Variants in KCNT1 observed in about 807,000 individuals in gnomAD.
KCNT1 encodes potassium sodium-activated channel subfamily T member 1.
In KCNT1, 78 loss-of-function variants were observed where a neutral mutation model predicts 147.8. That is an observed-to-expected ratio of 0.53 (90% CI 0.44 to 0.64). The LOEUF is 0.64. Ranked by LOEUF, KCNT1 falls within the 30% of genes least tolerant of loss-of-function variation. The pLI, the probability that KCNT1 is intolerant of heterozygous loss-of-function variation, is 0.00. For missense variants in KCNT1, 1,419 were observed against 1,750.3 expected (o/e 0.81, Z 3.38); for synonymous variants, 867 against 748.8 (o/e 1.16, Z -2.58).
chr9:135,784,332 T>C (rs1166222075), intron 25 of KCNT1, among the ~76,000 whole-genome samples: 1 of 152,126 alleles, frequency 6.6e-6, no homozygotes, highest in African/African-American at 2.4e-5. Context: ...GGAGTTTTCT[T>C]AGAAAAGGCC....
rs761255519 is a variant in KCNT1, at chr9:135,755,126, C to T, written c.497C>T (p.Pro166Leu). Residue 166 changes from proline to leucine, a missense_variant, in exon 6 of 31, where the codon CCT becomes CTT. Physicochemically the swap from Pro to Leu is moderately conservative, Grantham distance 98 (BLOSUM62 -3). Around this residue, in one of 5 missense-constraint regions of KCNT1, gnomAD observed 401 missense variants for 610.6 expected, o/e 0.66. Coordinates refer to ENST00000371757, the MANE Select transcript of KCNT1 (RefSeq NM_020822.3). ...TGCCTCCTTTCTCTTCCCAGGGCTC[C>T]TATTCTGTGGGTGGAGAGAAAGATG... ...NDSSSEINWA[P>L]ILWVERKMTL... The T allele has an allele frequency of 1.9e-6, 3 of 1,611,872 alleles. No homozygotes were observed. Among genetic ancestry groups the T allele is most frequent in the African/African-American group, 2.7e-5 (2 of 74,958 alleles).
intron 17 of KCNT1, among the ~76,000 whole-genome samples, 195 bp downstream of exon 17, chr9:135,770,642 G>A (rs867342185): frequency 1.3e-5 from 2 of 152,184 alleles, no homozygotes; most frequent in Non-Finnish European, 2.9e-5. Flanking sequence ...CCTGCCACGC[G>A]GCTCCTCCCT....
At position 135,712,640 on chromosome 9, in the gene KCNT1, T is replaced by A. The variant is rs553176330; in HGVS notation, c.111-1937T>A. Among the ~76,000 whole-genome samples, 225 of 152,260 alleles carry A rather than the reference T, an allele frequency of 1.5e-3. 1 individual carries two copies. The highest frequency in any genetic ancestry group is 2.5e-3 in the Non-Finnish European group (167 of 68,010). ...AGACCCCGAGGACACGGGGAGCAGC[T>A]GTTTTGCTGCTGTCCTCCTGCGATG... On this transcript the variant is annotated intron_variant, in intron 1 of 30. Transcript: ENST00000371757.
rs754735723 is a variant in KCNT1, at chr9:135,750,368, GC to G, written c.334+196del. ...TGCATGGTGAGTGGGGCACAGGGTAGCCCCCTCTTAGCTTCACACTGTCTGA... is the reference window on the plus strand; with the variant it reads ...TGCATGGTGAGTGGGGCACAGGGTAGCCCCTCTTAGCTTCACACTGTCTGA... On this transcript the variant is annotated intron_variant, in intron 3 of 30. Transcript: ENST00000371757. Among the ~76,000 whole-genome samples the G allele has an allele frequency of 3.9e-5, 6 of 152,208 alleles. No individual in the cohort carries two copies. The East Asian group carries it at 1.2e-3, about 29-fold the overall frequency.
At chr9:135,758,283 C>T (rs1831650113) in intron 9 of KCNT1, 131 bp from the exon 10 acceptor site, 2 of 686,974 alleles carry the variant, frequency 2.9e-6, no homozygotes, top group Non-Finnish European at 5.2e-6. Flanking sequence ...GTACAGGCTG[C>T]CCCGTGGGCC....
At chr9:135,786,575 G>C in intron 29 of KCNT1, 54 bp downstream of exon 29, 1 of 1,483,796 alleles carries the variant, frequency 6.7e-7, no homozygotes, top group Non-Finnish European at 9.0e-7. Flanking sequence ...GCCAGGGTCG[G>C]GCCACAGCCA....
rs771326200 is a variant in KCNT1, at chr9:135,784,865, G to C, written c.3132G>C (p.Glu1044Asp). Reference sequence around the variant, plus strand: ...TCCCCATTGGCATCTACCGGACAGAGAGCCACGTCTTCTCCACCTCGGAGG... The same window carrying C: ...TCCCCATTGGCATCTACCGGACAGACAGCCACGTCTTCTCCACCTCGGAGG... The part of the protein sequence containing the change: ...AEIPIGIYRT[E>D]SHVFSTSEPH... The change falls in exon 27 of 31, where the codon GAG becomes GAC. Residue 1044 changes from glutamate to aspartate, a missense_variant. Glu to Asp is a conservative substitution (Grantham distance 45). Coordinates refer to ENST00000371757, the MANE Select transcript of KCNT1 (RefSeq NM_020822.3). 4.3e-6 allele frequency: 7 copies of C among 1,612,686 alleles called. No individual in the cohort carries two copies. The highest frequency in any genetic ancestry group is 1.7e-5 in the Admixed American group (1 of 60,026).
intron 9 of KCNT1, among the ~76,000 whole-genome samples, chr9:135,757,930 G>A (rs978900864): frequency 2.0e-5 from 3 of 152,258 alleles, no homozygotes; most frequent in African/African-American, 7.2e-5. Context: ...ACCATGCTGG[G>A]TCCAAGCCTT....
intron 23 of KCNT1, 88 bp from the exon 24 acceptor site, chr9:135,779,271 A>G: frequency 2.2e-6 from 1 of 445,896 alleles, no homozygotes; most frequent in Non-Finnish European, 4.1e-6. Context: ...CCGCCCTGAG[A>G]CCCCCACAGC....
At chr9:135,725,046 A>G (rs1193132787) in intron 2 of KCNT1, among the ~76,000 whole-genome samples, 7 of 152,174 alleles carry the variant, frequency 4.6e-5, no homozygotes, top group Non-Finnish European at 7.4e-5. Context: ...CCAGGAGGCA[A>G]CTGCGTGGGG....
intron 2 of KCNT1, among the ~76,000 whole-genome samples, chr9:135,715,558 G>GTCACCACCCAGCCCTGGGCTCCA (rs1350321072): frequency 1.3e-4 from 20 of 152,212 alleles, no homozygotes; most frequent in African/African-American, 4.3e-4. Context: ...CCAGGGCTCC[G>GTCACCACCCAGCCCTGGGCTCCA]TCACCACCCA....
chr9:135,769,032 CAT>C (rs1491575001), intron 15 of KCNT1, 95 bp downstream of exon 15: 31 of 981,016 alleles, frequency 3.2e-5, no homozygotes, highest in South Asian at 2.1e-4. Context: ...CGCATGTGCA[CAT>C]GTGTGACGGT....
chr9:135,740,507 T>C (rs1830518299), intron 2 of KCNT1, among the ~76,000 whole-genome samples: 2 of 152,188 alleles, frequency 1.3e-5, no homozygotes, highest in African/African-American at 2.4e-5. Flanking sequence ...CTGCTCCTTA[T>C]GGGCACAAGT....
intron 1 of KCNT1, among the ~76,000 whole-genome samples, chr9:135,709,484 A>G (rs1242226981): frequency 6.6e-6 from 1 of 152,148 alleles, no homozygotes; most frequent in African/African-American, 2.4e-5. Context: ...TTCCATCATA[A>G]TTAATCCACT....
intron 2 of KCNT1, among the ~76,000 whole-genome samples, chr9:135,742,581 G>A (rs1032779102): frequency 2.0e-5 from 3 of 150,000 alleles, no homozygotes; most frequent in Non-Finnish European, 4.5e-5. Context: ...CACCTCTCCC[G>A]TGCCCGGGGG....
rs1831234138 is a variant in KCNT1 at position 135,752,513 on chromosome 9, A to C, written c.435-1424A>C. 4.4e-6 allele frequency: 2 copies of C among 451,204 alleles called. No individual in the cohort carries two copies. Among genetic ancestry groups the C allele is most frequent in the Non-Finnish European group, 8.9e-6 (2 of 224,748 alleles). 28.0% of individuals were successfully genotyped at this position (451,204 alleles called of 1,614,324 possible). The stretch of plus-strand genomic sequence containing the variant: ...CTGGGGCTTCTGGTTTCACATCCCC[A>C]CAGGGCCCAAGTCTGTTGTGTTCAC... On this transcript the variant is annotated intron_variant, in intron 4 of 30. Transcript: ENST00000371757. This position sits in a 1 kb window ranked among gnomAD's most constrained non-coding sequence, Gnocchi z 5.1.
At chr9:135,764,455 G>A (rs377689075) in intron 11 of KCNT1, among the ~76,000 whole-genome samples, 11 of 152,172 alleles carry the variant, frequency 7.2e-5, no homozygotes, top group South Asian at 2.1e-4. Flanking sequence ...GTGAGCCTCC[G>A]TCTCAAAAAA....
intron 20 of KCNT1, among the ~76,000 whole-genome samples, chr9:135,777,127 G>A (rs1833225633): frequency 6.6e-6 from 1 of 152,232 alleles, no homozygotes; most frequent in South Asian, 2.1e-4. Context: ...CCCCTGACAT[G>A]ACTGCTCTGT....
chr9:135,769,975 G>A lies in KCNT1; in HGVS notation c.1539G>A (p.Lys513=). The change falls in exon 16 of 31, where the codon AAG becomes AAA. Residue 513 remains lysine, a synonymous_variant. Coordinates refer to ENST00000371757, the MANE Select transcript of KCNT1 (RefSeq NM_020822.3). ...ACGTGGTGTGTGAGGAGGAGTGCAA[G>A]TACGCCATGCTGGCGCTGAACTGCA... ...ADHVVCEEEC[K]YAMLALNCIC... 6.4e-7 allele frequency: 1 copy of A among 1,555,664 alleles called. No individual in the cohort carries two copies. Among genetic ancestry groups the A allele is most frequent in the Non-Finnish European group, 8.7e-7 (1 of 1,149,794 alleles).
Sources: gnomAD v4.1 joint callset for allele counts (sites outside exome capture counted in the v4.1 genomes callset) on GRCh38, gnomAD v4.1.1 for gene constraint, gnomAD v4.1.1 regional missense constraint, Gnocchi (gnomAD v3.1) non-coding constraint, MANE v1.5 for transcripts, NCBI Gene and HGNC (gene_info 2026-07-23, HGNC 2026-07-21) for gene names.